Variants in EGF observed in about 807,000 individuals in gnomAD.
EGF encodes pro-epidermal growth factor.
EGF carries 95 observed loss-of-function variants against 143.8 expected under a neutral mutation model. The observed-to-expected ratio is 0.66, with a 90% confidence interval of 0.56 to 0.78. The LOEUF is 0.78. Ranked by LOEUF, EGF falls within the 30% of genes least tolerant of loss-of-function variation. EGF has a pLI of 0.00. For synonymous variants in EGF, 510 were observed against 510.5 expected, an observed-to-expected ratio of 1.00 and a Z score of 0.01; for missense variants, 1,320 against 1,470.9, an observed-to-expected ratio of 0.90 and a Z score of 1.68.
intron 11 of EGF, among the ~76,000 whole-genome samples, chr4:109,974,452 A>G (rs1560718831): frequency 6.6e-6 from 1 of 152,084 alleles, no homozygotes; most frequent in Non-Finnish European, 1.5e-5. Flanking sequence ...GTCATTGTGT[A>G]TTTTCATTAC....
intron 7 of EGF, among the ~76,000 whole-genome samples, chr4:109,961,503 GTCTA>G (rs1243633745): frequency 6.6e-6 from 1 of 152,022 alleles, no homozygotes; most frequent in Non-Finnish European, 1.5e-5. Context: ...ATATTTCATT[GTCTA>G]TCTCTTTTTT....
intron 22 of EGF, 89 bp from the exon 23 acceptor site, chr4:110,008,063 C>G (rs187592490): frequency 8.3e-7 from 1 of 1,208,922 alleles, no homozygotes; most frequent in Non-Finnish European, 1.2e-6. Context: ...GGATGAACAT[C>G]GTAAAGCCAT....
intron 5 of EGF, among the ~76,000 whole-genome samples, chr4:109,951,081 T>A (rs1442965480): frequency 6.6e-6 from 1 of 150,740 alleles, no homozygotes; most frequent in Non-Finnish European, 1.5e-5. Context: ...CCAAGGCGGG[T>A]GGATCACTTG....
chr4:110,000,250 C>CAAAAAAAAAAAAAAAAAA (rs754279332), intron 21 of EGF, among the ~76,000 whole-genome samples: 1 of 94,030 alleles, frequency 1.1e-5, no homozygotes, highest in Non-Finnish European at 2.3e-5. Flanking sequence ...GACTCCGTGT[C>CAAAAAAAAAAAAAAAAAA]AAAAAAAAAA....
chr4:109,944,155 G>C, intron 4 of EGF, 86 bp downstream of exon 4: 1 of 1,396,278 alleles, frequency 7.2e-7, no homozygotes, highest in Non-Finnish European at 9.9e-7. Context: ...AATGGAACTG[G>C]TATAGTGGTT....
At chr4:110,001,860 G>A in intron 21 of EGF, 2 of 985,402 alleles carry the variant, frequency 2.0e-6, no homozygotes, top group Non-Finnish European at 2.4e-6. Flanking sequence ...AATGCATCCA[G>A]AGTTGTACAA....
Position 109,941,157 on chromosome 4 carries a change from T to C in EGF, c.327+12T>C, listed in dbSNP as rs1579535322. 1 of 1,612,866 alleles carries C rather than the reference T, an allele frequency of 6.2e-7. No homozygotes were observed. The highest frequency in any genetic ancestry group is 1.1e-5 in the South Asian group (1 of 91,026). On this transcript the variant is annotated intron_variant, in intron 2 of 23. Coordinates refer to ENST00000265171, the MANE Select transcript of EGF (RefSeq NM_001963.6). ...GGTCAAGGCAAGAGGTAAAATACCC[T>C]TACCTACAGTGTTTGAGCTGTTTTT...
chr4:109,927,702 C>T (rs112367501), intron 1 of EGF, among the ~76,000 whole-genome samples: 180 of 135,570 alleles, frequency 1.3e-3, no homozygotes, highest in Non-Finnish European at 2.1e-3. Flanking sequence ...CCAGCCTGGG[C>T]GACAGAGAGA....
chr4:109,961,771 G>T, intron 7 of EGF, 92 bp from the exon 8 acceptor site: 6 of 1,554,736 alleles, frequency 3.9e-6, no homozygotes, highest in Non-Finnish European at 4.4e-6. Flanking sequence ...GGTCAAGGCA[G>T]GAGGATCACC....
chr4:110,008,206 G>A lies in EGF; in HGVS notation c.3346G>A (p.Gly1116Ser). The change falls in exon 23 of 24, where the codon GGT (glycine) becomes AGT (serine). Residue 1116 changes from glycine (G) to serine (S), a missense_variant. This residue lies in a region of EGF where 1,186 missense variants were observed against 1,313.7 expected (regional missense o/e 0.90). Coordinates refer to ENST00000265171, the MANE Select transcript of EGF (RefSeq NM_001963.6). ...DLKNGGQPVA[G>S]EDGQAADGSM... ...CAAGAATGGGGGTCAACCAGTGGCT[G>A]GTGAGGATGGCCAGGCAGCAGATGG... 2 of 1,614,066 alleles carry A rather than the reference G, an allele frequency of 1.2e-6. No individual in the cohort carries two copies. The highest frequency in any genetic ancestry group is 1.1e-5 in the South Asian group (1 of 91,082).
At chr4:109,967,673 C>T (rs960524750) in intron 10 of EGF, among the ~76,000 whole-genome samples, 1 of 152,102 alleles carries the variant, frequency 6.6e-6, no homozygotes. Context: ...GTGTGATAGG[C>T]TGCATACTAG....
rs1342812736 is a variant in EGF, at chr4:110,012,721, T to TA, written c.*1273dup. On this transcript the variant is annotated 3_prime_UTR_variant, in exon 24 of 24. Coordinates refer to ENST00000265171, the MANE Select transcript of EGF (RefSeq NM_001963.6). Reference sequence around the variant, plus strand: ...CCATGGTGCCCAGCCTTGTAACTTTTAAAAAAATTTTTTAATCTACAACTC... The same window carrying TA: ...CCATGGTGCCCAGCCTTGTAACTTTTAAAAAAAATTTTTTAATCTACAACTC... Among the ~76,000 whole-genome samples, 2 of 152,132 alleles carry TA rather than the reference T, an allele frequency of 1.3e-5. No individual in the cohort carries two copies. Among genetic ancestry groups the TA allele is most frequent in the East Asian group, 3.8e-4 (2 of 5,196 alleles).
Position 109,983,418 on chromosome 4 carries a change from A to G in EGF, c.2372-4A>G, listed in dbSNP as rs1183491150. On this transcript the variant is annotated splice_region_variant and splice_polypyrimidine_tract_variant and intron_variant, in intron 15 of 23. Transcript: ENST00000265171. ...ATTTAATTGCATCTATTGACCTTCA[A>G]TAGGTGGTGAAGTTGATCTAAAGAA... 6 of 1,613,328 alleles carry G rather than the reference A, an allele frequency of 3.7e-6. No individual in the cohort carries two copies. Among genetic ancestry groups the G allele is most frequent in the South Asian group, 1.1e-5 (1 of 91,050 alleles).
In EGF at chr4:110,012,004, C is replaced by T. The variant is rs1233331043; in HGVS notation, c.*549C>T. On this transcript the variant is annotated 3_prime_UTR_variant, in exon 24 of 24. Coordinates refer to ENST00000265171, the MANE Select transcript of EGF (RefSeq NM_001963.6). ...ATCAATGAAAAATGTAATTTAGAAA[C>T]TGATTTCTTCAGAATTAGATGGCTT... 6.5e-6 allele frequency: 1 copy of T among 153,166 alleles called. No homozygotes were observed. Among genetic ancestry groups the T allele is most frequent in the Non-Finnish European group, 1.5e-5 (1 of 68,742 alleles). The allele number at this position is 153,166 out of a possible 1,614,324, so 9.5% of individuals were successfully genotyped here.
chr4:109,934,244 T>C (rs1740341714), intron 1 of EGF, among the ~76,000 whole-genome samples: 1 of 152,192 alleles, frequency 6.6e-6, no homozygotes, highest in South Asian at 2.1e-4. Context: ...TCCTGAGAGT[T>C]TGCTGAAGTT....
At chr4:109,970,368 C>T (rs557394506) in intron 11 of EGF, among the ~76,000 whole-genome samples, 10 of 152,086 alleles carry the variant, frequency 6.6e-5, no homozygotes, top group Non-Finnish European at 4.4e-5. Context: ...TGGTGGCCAT[C>T]CTGAACATCT....
chr4:109,956,215 G>A (rs1011551678), intron 5 of EGF, among the ~76,000 whole-genome samples: 1 of 152,116 alleles, frequency 6.6e-6, no homozygotes, highest in Admixed American at 6.6e-5. Flanking sequence ...TGTGAATTAG[G>A]AAACTTAGGT....
intron 21 of EGF, 116 bp downstream of exon 21, chr4:109,999,962 G>A (rs965381202): frequency 1.2e-4 from 183 of 1,479,458 alleles, no homozygotes; most frequent in Non-Finnish European, 1.5e-4. Flanking sequence ...CATTTAAAAC[G>A]TGAAATAGGC....
At chr4:109,925,599 T>A (rs887962432) in intron 1 of EGF, among the ~76,000 whole-genome samples, 1 of 152,208 alleles carries the variant, frequency 6.6e-6, no homozygotes. Flanking sequence ...AGAGTCAACA[T>A]GAGTACTCCG....
Sources: allele counts gnomAD v4.1 joint callset (sites outside exome capture counted in the v4.1 genomes callset), GRCh38; gene constraint gnomAD v4.1.1; regional missense constraint gnomAD v4.1.1; transcripts MANE v1.5; gene names NCBI Gene and HGNC (gene_info 2026-07-23, HGNC 2026-07-21).